SCML4: variants seen among roughly 807,000 people sequenced by gnomAD.
SCML4 encodes sex comb on midleg-like protein 4.
Under a neutral mutation model 41.1 loss-of-function variants are expected in SCML4, and 34 were observed. The observed-to-expected ratio is 0.83, with a 90% confidence interval of 0.63 to 1.10. The LOEUF is 1.10. Ranked by LOEUF, SCML4 falls within the 50% of genes least tolerant of loss-of-function variation. The pLI is 0.00. For missense variants in SCML4, 522 were observed against 534.1 expected (o/e 0.98, Z 0.22); for synonymous variants, 214 against 220.9 (o/e 0.97, Z 0.28).
chr6:107,727,327 A>G (rs1776086032), intron 5 of SCML4, among the ~76,000 whole-genome samples: 2 of 152,326 alleles, frequency 1.3e-5, no homozygotes, highest in Admixed American at 1.3e-4. Context: ...TCTACAATTG[A>G]CTGTGCTGAT....
At chr6:107,710,042 T>G (rs1462236243) in intron 6 of SCML4, among the ~76,000 whole-genome samples, 1 of 152,224 alleles carries the variant, frequency 6.6e-6, no homozygotes, top group Non-Finnish European at 1.5e-5. Flanking sequence ...CTTTATTTGT[T>G]CATCTATCTC....
intron 1 of SCML4, among the ~76,000 whole-genome samples, chr6:107,777,320 G>T (rs562243978): frequency 6.6e-6 from 1 of 152,282 alleles, no homozygotes; most frequent in African/African-American, 2.4e-5. Flanking sequence ...GTTTCACCAT[G>T]TTTGCATGAT....
rs1044392834 is a variant in SCML4, at chr6:107,798,555, G to T, written c.-60+25571C>A. Reference sequence around the variant, plus strand: ...TTATTGATCTGTTCAAAGAACTTTTGATTTGCCAATATTTCTCTATTGTCT... The same window carrying T: ...TTATTGATCTGTTCAAAGAACTTTTTATTTGCCAATATTTCTCTATTGTCT... On this transcript the variant is annotated intron_variant, in intron 1 of 7. Coordinates refer to ENST00000369020, the MANE Select transcript of SCML4 (RefSeq NM_198081.5). Among the ~76,000 whole-genome samples, 6 of 151,832 alleles carry T rather than the reference G, an allele frequency of 4.0e-5. No homozygotes were observed. The South Asian group carries it at 1.0e-3, about 26-fold the overall frequency.
At chr6:107,792,020 G>A (rs1393556603) in intron 1 of SCML4, among the ~76,000 whole-genome samples, 1 of 152,158 alleles carries the variant, frequency 6.6e-6, no homozygotes. Context: ...GATTTACTTT[G>A]GGGGAAGGGG....
At chr6:107,803,034 G>C (rs1474669285) in intron 1 of SCML4, among the ~76,000 whole-genome samples, 6 of 151,864 alleles carry the variant, frequency 4.0e-5, no homozygotes, top group Admixed American at 2.0e-4. Context: ...ACGGAGTCGC[G>C]TTCACTCAGT....
At chr6:107,819,178 G>A (rs1784769863) in intron 1 of SCML4, among the ~76,000 whole-genome samples, 1 of 68,324 alleles carries the variant, frequency 1.5e-5, no homozygotes, top group Admixed American at 1.5e-4. Context: ...CCTTCTCTTT[G>A]TTTTATCCTA....
chr6:107,841,115 G>A, the SCML4 span, among the ~76,000 whole-genome samples: 62 of 151,066 alleles, frequency 4.1e-4, no homozygotes, highest in South Asian at 0.013. Context: ...ATAAAATGAA[G>A]GGTCATTGGT....
intron 1 of SCML4, among the ~76,000 whole-genome samples, chr6:107,777,757 T>A (rs534621315): frequency 2.0e-5 from 3 of 152,116 alleles, no homozygotes; most frequent in Admixed American, 2.0e-4. Flanking sequence ...CTTGCCACCA[T>A]CACCCTCCTT....
At chr6:107,802,509 G>A (rs1200654030) in intron 1 of SCML4, among the ~76,000 whole-genome samples, 12 of 151,566 alleles carry the variant, frequency 7.9e-5, no homozygotes, top group African/African-American at 2.9e-4. Context: ...GAAATGGTGT[G>A]GGAGAGAGGT....
intron 1 of SCML4, among the ~76,000 whole-genome samples, chr6:107,773,413 G>A (rs529917306): frequency 9.2e-5 from 14 of 151,994 alleles, no homozygotes; most frequent in African/African-American, 2.2e-4. Flanking sequence ...ACAACATAGC[G>A]AAACCCCATC....
Position 107,704,371 on chromosome 6 carries a change from T to A in SCML4, c.*829A>T, listed in dbSNP as rs1328822946. ...GAGCGTGCTTCCAAATTCTTGCCTT[T>A]GCTAGTTGAGTATCAGTCAGTCAGT... is the stretch of plus-strand genomic sequence containing the variant. On this transcript the variant is annotated 3_prime_UTR_variant, in exon 8 of 8. Coordinates refer to ENST00000369020, the MANE Select transcript of SCML4 (RefSeq NM_198081.5). 3 of 152,238 alleles carry A rather than the reference T, an allele frequency of 2.0e-5. No homozygotes were observed. The highest frequency in any genetic ancestry group is 4.4e-5 in the Non-Finnish European group (3 of 68,050). The allele number at this position is 152,238 out of a possible 1,614,324, so 9.4% of individuals were successfully genotyped here. A position where few individuals can be genotyped will look rare whatever the true frequency, so the allele number is the denominator to read the frequency against.
chr6:107,764,900 A>G (rs972300242), intron 2 of SCML4, among the ~76,000 whole-genome samples: 1 of 152,154 alleles, frequency 6.6e-6, no homozygotes, highest in Admixed American at 6.5e-5. Context: ...GTTCTCTCTT[A>G]TCTGCCACCA....
chr6:107,833,646 G>A, the SCML4 span, among the ~76,000 whole-genome samples: 1 of 152,184 alleles, frequency 6.6e-6, no homozygotes, highest in Non-Finnish European at 1.5e-5. Flanking sequence ...ACTCTCCGGA[G>A]AGGAAGTCCA....
intron 3 of SCML4, among the ~76,000 whole-genome samples, chr6:107,749,271 T>C (rs1778405467): frequency 6.6e-6 from 1 of 151,894 alleles, no homozygotes; most frequent in African/African-American, 2.4e-5. Context: ...GGGTAGTGGG[T>C]CAGACTGAGG....
the SCML4 span, among the ~76,000 whole-genome samples, chr6:107,832,017 C>A: frequency 6.7e-6 from 1 of 149,358 alleles, no homozygotes; most frequent in Middle Eastern, 3.5e-3. Flanking sequence ...GAGCCGAGAT[C>A]GAGCCACTGC....
chr6:107,766,779 G>A (rs1780083601), intron 2 of SCML4, among the ~76,000 whole-genome samples: 2 of 152,130 alleles, frequency 1.3e-5, no homozygotes, highest in South Asian at 4.1e-4. Context: ...TACCCTAGGT[G>A]CTGCTCAATG....
At chr6:107,709,554 C>T (rs1432612294) in intron 6 of SCML4, among the ~76,000 whole-genome samples, 3 of 152,240 alleles carry the variant, frequency 2.0e-5, no homozygotes, top group African/African-American at 7.2e-5. Flanking sequence ...CCCCAGCTTC[C>T]TTCCTCTGCC....
At chr6:107,788,613 G>A (rs1782082809) in intron 1 of SCML4, among the ~76,000 whole-genome samples, 1 of 152,122 alleles carries the variant, frequency 6.6e-6, no homozygotes, top group Admixed American at 6.5e-5. Context: ...CGTTAGTCTT[G>A]TCTCCCATCT....
intron 2 of SCML4, among the ~76,000 whole-genome samples, chr6:107,760,987 T>A (rs1364989888): frequency 3.9e-5 from 6 of 152,158 alleles, no homozygotes; most frequent in Admixed American, 3.9e-4. Context: ...CTTAACAGCA[T>A]TGTAAACATA....
Sources: gnomAD v4.1 joint callset for allele counts (sites outside exome capture counted in the v4.1 genomes callset) on GRCh38, gnomAD v4.1.1 for gene constraint, MANE v1.5 for transcripts, NCBI Gene and HGNC (gene_info 2026-07-23, HGNC 2026-07-21) for gene names.